SLCO5A1: variants seen among roughly 807,000 people sequenced by gnomAD.
The protein encoded by SLCO5A1 is organic anion transporter polypeptide-related protein 4.
In SLCO5A1, 39 loss-of-function variants were observed where a neutral mutation model predicts 65.1. The ratio of observed to expected loss-of-function variants is 0.60; its 90% CI spans 0.46 to 0.78. SLCO5A1 has a LOEUF of 0.78. SLCO5A1 is among the 30% of genes least tolerant of loss of function. The pLI, the probability that SLCO5A1 is intolerant of heterozygous loss-of-function variation, is 0.00. For missense variants in SLCO5A1, 1,029 were observed against 1,069.4 expected, an observed-to-expected ratio of 0.96 and a Z score of 0.53; for synonymous variants, 438 against 415.7, an observed-to-expected ratio of 1.05 and a Z score of -0.65.
chr8:69,832,960 A>G lies in SLCO5A1; in HGVS notation c.-287T>C. On this transcript the variant is annotated 5_prime_UTR_variant, in exon 2 of 10. Coordinates refer to ENST00000260126, the MANE Select transcript of SLCO5A1 (RefSeq NM_030958.3). The surrounding 1 kb of genome is among the most constrained non-coding windows in gnomAD (Gnocchi z 4.5). ...GCGTCCCTCTCCGGGCGGTAGCTTGAGGCAGGCGCCTCGCGCGTCCCGGGC... is the reference window on the plus strand; with the variant it reads ...GCGTCCCTCTCCGGGCGGTAGCTTGGGGCAGGCGCCTCGCGCGTCCCGGGC... 4.8e-6 allele frequency: 2 copies of G among 414,266 alleles called. No homozygotes were observed. Among genetic ancestry groups the G allele is most frequent in the Non-Finnish European group, 8.4e-6 (2 of 238,938 alleles). 25.7% of individuals were successfully genotyped at this position (414,266 alleles called of 1,614,324 possible).
At chr8:69,811,589 G>A (rs1184459126) in intron 2 of SLCO5A1, among the ~76,000 whole-genome samples, 1 of 152,144 alleles carries the variant, frequency 6.6e-6, no homozygotes, top group Non-Finnish European at 1.5e-5. Context: ...CCAAGCAAGA[G>A]TCGTCAACAT....
At chr8:69,691,262 A>G (rs1430895543) in intron 6 of SLCO5A1, among the ~76,000 whole-genome samples, 2 of 152,146 alleles carry the variant, frequency 1.3e-5, no homozygotes. Context: ...ATGGGCCAGG[A>G]TTTTGCTAGA....
rs1470546978 is a variant in SLCO5A1 at position 69,705,224 on chromosome 8, T to C, written c.1429A>G (p.Ile477Val). The C allele has an allele frequency of 6.2e-7, 1 of 1,613,962 alleles. No individual in the cohort carries two copies. Among genetic ancestry groups the C allele is most frequent in the South Asian group, 1.1e-5 (1 of 91,080 alleles). ...ASNASIYTGV[I>V]IVPSAGVGIV... ...CCAACACCAGCACTGGGGACGATAA[T>C]AACCCCTGGGGAGAAGAGAAGGAGA... Residue 477 changes from isoleucine to valine, a missense_variant, in exon 6 of 10, where the codon ATT becomes GTT. Physicochemically the swap from Ile to Val is conservative, Grantham distance 29 (BLOSUM62 3). Transcript: ENST00000260126.
At chr8:69,686,600 G>A (rs1050855278) in intron 6 of SLCO5A1, among the ~76,000 whole-genome samples, 1 of 152,090 alleles carries the variant, frequency 6.6e-6, no homozygotes, top group African/African-American at 2.4e-5. Flanking sequence ...TCTTTCAGAC[G>A]AAGAAATTGA....
At chr8:69,714,395 T>A (rs1179238878) in intron 5 of SLCO5A1, among the ~76,000 whole-genome samples, 5 of 152,240 alleles carry the variant, frequency 3.3e-5, no homozygotes, top group Admixed American at 2.0e-4. Context: ...AAGCTGCCAG[T>A]ACCTGAAGAA....
chr8:69,817,792 C>T (rs1245781605), intron 2 of SLCO5A1, among the ~76,000 whole-genome samples: 1 of 152,178 alleles, frequency 6.6e-6, no homozygotes. Flanking sequence ...AAACGATTTT[C>T]AATATAGATC....
chr8:69,829,431 C>T (rs774777297), intron 2 of SLCO5A1, among the ~76,000 whole-genome samples: 2 of 152,212 alleles, frequency 1.3e-5, no homozygotes, highest in Non-Finnish European at 2.9e-5. Context: ...AAGTGGCTAA[C>T]AGCCAAATGC....
At chr8:69,727,740 T>C (rs1039293245) in intron 5 of SLCO5A1, among the ~76,000 whole-genome samples, 14 of 152,226 alleles carry the variant, frequency 9.2e-5, no homozygotes, top group African/African-American at 3.1e-4. Context: ...CTTTTTAAAG[T>C]ATTTTCACAA....
chr8:69,776,799 C>T (rs1228746021), intron 2 of SLCO5A1, among the ~76,000 whole-genome samples: 1 of 152,162 alleles, frequency 6.6e-6, no homozygotes, highest in Non-Finnish European at 1.5e-5. Context: ...CAAATAAGCA[C>T]ATGAAAGATA....
chr8:69,772,824 C>T, intron 2 of SLCO5A1: 1 of 549,156 alleles, frequency 1.8e-6, no homozygotes, highest in Non-Finnish European at 2.3e-6. Flanking sequence ...CTCATCCATG[C>T]ACTCTGTGAT....
intron 6 of SLCO5A1, among the ~76,000 whole-genome samples, chr8:69,683,898 T>C (rs186546331): frequency 1.3e-5 from 2 of 152,310 alleles, no homozygotes; most frequent in Non-Finnish European, 2.9e-5. Context: ...GTACCACTTA[T>C]ACAGTAGCAT....
intron 3 of SLCO5A1, among the ~76,000 whole-genome samples, chr8:69,757,145 T>C (rs1449240979): frequency 6.6e-6 from 1 of 152,216 alleles, no homozygotes; most frequent in Non-Finnish European, 1.5e-5. Flanking sequence ...CAATTAGTCA[T>C]TAATAATTTA....
At chr8:69,802,481 G>A (rs1819784280) in intron 2 of SLCO5A1, among the ~76,000 whole-genome samples, 1 of 149,128 alleles carries the variant, frequency 6.7e-6, no homozygotes, top group Non-Finnish European at 1.5e-5. Context: ...TTGCTCTGTA[G>A]CCTGAGCAAC....
intron 5 of SLCO5A1, among the ~76,000 whole-genome samples, chr8:69,737,552 A>G (rs769155957): frequency 6.6e-6 from 1 of 152,208 alleles, no homozygotes; most frequent in Non-Finnish European, 1.5e-5. Context: ...AGTTTCCCAG[A>G]CATCAAACAT....
chr8:69,784,861 AAGGGAAGGAAGG>A lies in SLCO5A1; in HGVS notation c.908-22998_908-22987del, dbSNP rs1167071288. 4.3e-3 allele frequency among the ~76,000 whole-genome samples: 585 copies of A among 134,594 alleles called. 2 individuals carry two copies. The highest frequency in any genetic ancestry group is 8.9e-3 in the African/African-American group (316 of 35,682). 88.3% of individuals were successfully genotyped at this position (134,594 alleles called of 152,430 possible). A position where few individuals can be genotyped will look rare whatever the true frequency, so the allele number is the denominator to read the frequency against. ...AAAGAAAGAAAGAAAGAAAGAAAGAAAGGGAAGGAAGGAGAAAGAAAGAAAGAAGAAAGGAAG... is the reference window on the plus strand; with the variant it reads ...AAAGAAAGAAAGAAAGAAAGAAAGAAAGAAAGAAAGAAAGAAGAAAGGAAG... On this transcript the variant is annotated intron_variant, in intron 2 of 9. Coordinates refer to ENST00000260126, the MANE Select transcript of SLCO5A1 (RefSeq NM_030958.3).
At chr8:69,833,662 ATG>A (rs1821281495) in intron 1 of SLCO5A1, 1 of 152,262 alleles carries the variant, frequency 6.6e-6, no homozygotes, top group Admixed American at 6.5e-5. Context: ...GTGTGTAGAA[ATG>A]TGTGTGCACA....
intron 2 of SLCO5A1, among the ~76,000 whole-genome samples, chr8:69,824,266 T>C (rs1230323346): frequency 6.6e-6 from 1 of 151,606 alleles, no homozygotes; most frequent in Non-Finnish European, 1.5e-5. Context: ...AGGCAAGAAA[T>C]AACTAAAATC....
intron 4 of SLCO5A1, among the ~76,000 whole-genome samples, chr8:69,741,077 T>C (rs184592819): frequency 6.6e-6 from 1 of 152,348 alleles, no homozygotes; most frequent in African/African-American, 2.4e-5. Context: ...TTGTTTCTGC[T>C]GTCATATTGT....
chr8:69,691,869 C>G (rs1038305277), intron 6 of SLCO5A1, among the ~76,000 whole-genome samples: 1 of 152,124 alleles, frequency 6.6e-6, no homozygotes, highest in African/African-American at 2.4e-5. Flanking sequence ...CAAACCTGTA[C>G]GGCATATTTG....
Sources: gnomAD v4.1 joint callset for allele counts (sites outside exome capture counted in the v4.1 genomes callset) on GRCh38, gnomAD v4.1.1 for gene constraint, Gnocchi (gnomAD v3.1) non-coding constraint, MANE v1.5 for transcripts, NCBI Gene and HGNC (gene_info 2026-07-23, HGNC 2026-07-21) for gene names.